The following GPC3 variants were observed in gnomAD, a reference collection of about 807,000 sequenced individuals.
GPC3 encodes glypican 3.
A neutral mutation model predicts 34.4 loss-of-function variants in GPC3; 3 were observed. The observed-to-expected ratio is 0.09, with a 90% confidence interval of 0.04 to 0.23. The LOEUF (loss-of-function observed/expected upper bound fraction) is 0.23. Among genes scored for constraint, GPC3 ranks in the 10% least tolerant of loss-of-function variants. GPC3 has a pLI of 1.00. For missense variants in GPC3, 351 were observed against 445.6 expected (o/e 0.79, Z 1.91); for synonymous variants, 177 against 174.0 (o/e 1.02, Z -0.13).
At chrX:133,813,380 T>C (rs1018692825) in intron 2 of GPC3, among the ~76,000 whole-genome samples, 16 of 112,564 alleles carry the variant, frequency 1.4e-4, no homozygotes, top group African/African-American at 5.2e-4. Context: ...TAACACTGGC[T>C]GTAGCAAAGA....
At chrX:133,905,525 C>T (rs370276936) in intron 2 of GPC3, among the ~76,000 whole-genome samples, 3 of 111,922 alleles carry the variant, frequency 2.7e-5, no homozygotes, top group African/African-American at 6.5e-5. Flanking sequence ...TACCCATCCC[C>T]GGGAGATCAC....
chrX:133,602,656 A>G (rs927943091), intron 6 of GPC3, among the ~76,000 whole-genome samples: 3 of 111,597 alleles, frequency 2.7e-5, no homozygotes, highest in Non-Finnish European at 5.6e-5. Flanking sequence ...AATTTATTGT[A>G]TATTTTCTAA....
intron 6 of GPC3, among the ~76,000 whole-genome samples, chrX:133,645,442 C>A (rs766154519): frequency 8.9e-6 from 1 of 112,141 alleles, no homozygotes; most frequent in South Asian, 3.8e-4. Context: ...GAATTGAACA[C>A]TCTGGCGAGA....
intron 2 of GPC3, among the ~76,000 whole-genome samples, chrX:133,910,077 C>G (rs1443466512): frequency 4.5e-5 from 5 of 110,526 alleles, no homozygotes; most frequent in Non-Finnish European, 9.5e-5. Context: ...CAGATGGTGC[C>G]TGACCCCCTA....
intron 2 of GPC3, among the ~76,000 whole-genome samples, chrX:133,810,560 C>T (rs1053168649): frequency 1.8e-5 from 2 of 111,383 alleles, no homozygotes; most frequent in Non-Finnish European, 3.8e-5. Context: ...AGTGAGTCCA[C>T]GCTATATGTA....
intron 2 of GPC3, among the ~76,000 whole-genome samples, chrX:133,760,022 A>G (rs910853168): frequency 2.7e-5 from 3 of 112,109 alleles, no homozygotes; most frequent in South Asian, 3.7e-4. Flanking sequence ...TGGGGAAAAA[A>G]AACTAGAAAA....
At chrX:133,944,020 G>A (rs2076356549) in intron 2 of GPC3, among the ~76,000 whole-genome samples, 2 of 111,603 alleles carry the variant, frequency 1.8e-5, no homozygotes, top group Non-Finnish European at 3.8e-5. Context: ...TGTTGCAGGG[G>A]AAGGGGAACA....
At chrX:133,719,323 C>T (rs1424546031) in intron 3 of GPC3, among the ~76,000 whole-genome samples, 1 of 111,779 alleles carries the variant, frequency 8.9e-6, no homozygotes, top group African/African-American at 3.2e-5. Context: ...ATACATACTC[C>T]TAAATAACCA....
chrX:133,855,715 CT>C (rs2075897936), intron 2 of GPC3, among the ~76,000 whole-genome samples: 1 of 109,913 alleles, frequency 9.1e-6, no homozygotes, highest in Admixed American at 9.8e-5. Flanking sequence ...GATCTTTTGA[CT>C]TTTTCATCTT....
intron 3 of GPC3, among the ~76,000 whole-genome samples, chrX:133,749,223 T>C (rs1167112904): frequency 8.9e-6 from 1 of 112,286 alleles, no homozygotes; most frequent in Non-Finnish European, 1.9e-5. Flanking sequence ...ATCGAGCCAC[T>C]GCACTCCAGC....
chrX:133,688,304 C>T (rs1279835819), intron 5 of GPC3, among the ~76,000 whole-genome samples: 1 of 111,748 alleles, frequency 8.9e-6, no homozygotes, highest in Non-Finnish European at 1.9e-5. Context: ...TCCTGGTAGA[C>T]AAACCAATGT....
chrX:133,826,125 A>G (rs1186709115), intron 2 of GPC3, among the ~76,000 whole-genome samples: 1 of 111,886 alleles, frequency 8.9e-6, no homozygotes, highest in Non-Finnish European at 1.9e-5. Flanking sequence ...AAACCCACAA[A>G]AGACACGCAA....
At chrX:133,951,305 A>G (rs928345335) in intron 2 of GPC3, among the ~76,000 whole-genome samples, 31 of 110,351 alleles carry the variant, frequency 2.8e-4, no homozygotes, top group African/African-American at 8.9e-4. Context: ...GGCAAAGTGC[A>G]GAACTGGACA....
intron 2 of GPC3, among the ~76,000 whole-genome samples, chrX:133,929,733 A>G (rs1487379429): frequency 8.9e-6 from 1 of 112,361 alleles, no homozygotes; most frequent in Admixed American, 9.5e-5. Flanking sequence ...GTAAAACTAT[A>G]CAATCTATGT....
At chrX:133,895,682 C>A (rs1038710522) in intron 2 of GPC3, among the ~76,000 whole-genome samples, 1 of 111,494 alleles carries the variant, frequency 9.0e-6, no homozygotes, top group Non-Finnish European at 1.9e-5. Flanking sequence ...TCATATCCTG[C>A]TAATGCACAG....
intron 2 of GPC3, among the ~76,000 whole-genome samples, chrX:133,856,905 G>A (rs2075904979): frequency 8.9e-6 from 1 of 111,915 alleles, no homozygotes; most frequent in Non-Finnish European, 1.9e-5. Context: ...CACTTAACTC[G>A]TGTGTGCTTT....
intron 2 of GPC3, among the ~76,000 whole-genome samples, chrX:133,860,933 C>G: frequency 1.0e-5 from 1 of 99,222 alleles, no homozygotes; most frequent in East Asian, 3.3e-4. Flanking sequence ...AAAACTCTGT[C>G]TCTACAAAAA....
intron 7 of GPC3, among the ~76,000 whole-genome samples, chrX:133,591,866 A>G (rs774288927): frequency 8.9e-6 from 1 of 112,048 alleles, no homozygotes; most frequent in Non-Finnish European, 1.9e-5. Context: ...GAACAGCGGT[A>G]TGTCTCAGGG....
At chrX:133,847,288 A>G (rs1439841568) in intron 2 of GPC3, among the ~76,000 whole-genome samples, 1 of 111,799 alleles carries the variant, frequency 8.9e-6, no homozygotes, top group East Asian at 2.8e-4. Flanking sequence ...CTTACTTCAT[A>G]ATGGGCACAG....
Sources: allele counts gnomAD v4.1 joint callset (sites outside exome capture counted in the v4.1 genomes callset), GRCh38; gene constraint gnomAD v4.1.1; transcripts MANE v1.5; gene names NCBI Gene and HGNC (gene_info 2026-07-23, HGNC 2026-07-21).